Variants in TENM2 observed in about 807,000 individuals in gnomAD.
TENM2 encodes the protein teneurin transmembrane protein 2, also known as teneurin-2.
Under a neutral mutation model 245.2 loss-of-function variants are expected in TENM2, and 52 were observed. The observed-to-expected ratio is 0.21, with a 90% CI of 0.17 to 0.27. TENM2 has a LOEUF of 0.27. Among genes scored for constraint, TENM2 ranks in the 10% least tolerant of loss-of-function variants. TENM2 has a pLI of 1.00. For missense variants in TENM2, 3,046 were observed against 3,666.8 expected, an observed-to-expected ratio of 0.83 and a Z score of 4.37; for synonymous variants, 1,363 against 1,438.9, an observed-to-expected ratio of 0.95 and a Z score of 1.19.
chr5:167,081,446 T>A, the TENM2 span, among the ~76,000 whole-genome samples: 18 of 142,410 alleles, frequency 1.3e-4, no homozygotes, highest in Admixed American at 1.2e-3. Context: ...TTTCTAAGCC[T>A]TTTTTTTGCT....
chr5:167,970,949 A>G (rs1405040234), intron 4 of TENM2, among the ~76,000 whole-genome samples: 2 of 151,848 alleles, frequency 1.3e-5, no homozygotes, highest in Non-Finnish European at 2.9e-5. Flanking sequence ...GAAGGCGCAT[A>G]TTCAGTATAT....
chr5:167,598,543 G>C (rs1561587205), intron 2 of TENM2, among the ~76,000 whole-genome samples: 1 of 152,362 alleles, frequency 6.6e-6, no homozygotes, highest in East Asian at 1.9e-4. Context: ...GTCTAGAGAA[G>C]AAGGGTATTA....
At chr5:167,833,975 A>C (rs1159697862) in intron 2 of TENM2, among the ~76,000 whole-genome samples, 1 of 152,188 alleles carries the variant, frequency 6.6e-6, no homozygotes, top group East Asian at 1.9e-4. Context: ...ACACAAACTC[A>C]TTCATTCAAC....
intron 14 of TENM2, 88 bp from the exon 17 acceptor site, chr5:168,195,088 C>A: frequency 6.8e-7 from 1 of 1,464,724 alleles, no homozygotes; most frequent in Non-Finnish European, 9.3e-7. Context: ...CCTGAGGGAC[C>A]AGATGAGGAT....
chr5:167,903,426 C>G (rs1045632090), intron 3 of TENM2, among the ~76,000 whole-genome samples: 1 of 151,400 alleles, frequency 6.6e-6, no homozygotes, highest in Non-Finnish European at 1.5e-5. Context: ...ATGAAGCCGC[C>G]TACTCAGGTA....
At chr5:167,357,983 G>A (rs532149640) in intron 1 of TENM2, among the ~76,000 whole-genome samples, 4 of 152,226 alleles carry the variant, frequency 2.6e-5, no homozygotes, top group African/African-American at 7.2e-5. Flanking sequence ...CAGGTAAAGC[G>A]TTCACCTGTG....
intron 2 of TENM2, among the ~76,000 whole-genome samples, chr5:167,497,665 G>A (rs1192702088): frequency 2.6e-5 from 4 of 152,026 alleles, no homozygotes; most frequent in Admixed American, 6.6e-5. Context: ...TCCTCTACCT[G>A]TGGAGCTATA....
At chr5:167,599,872 C>G (rs910491872) in intron 2 of TENM2, among the ~76,000 whole-genome samples, 2 of 151,794 alleles carry the variant, frequency 1.3e-5, no homozygotes, top group Admixed American at 6.6e-5. Flanking sequence ...CATGGCTGGG[C>G]GCGGTGGCTC....
chr5:166,983,743 G>T, the TENM2 span, among the ~76,000 whole-genome samples: 1 of 152,044 alleles, frequency 6.6e-6, no homozygotes, highest in Non-Finnish European at 1.5e-5. Context: ...TGCATTGTTT[G>T]GGGGGAAAGA....
chr5:167,101,939 T>TATATA, the TENM2 span, among the ~76,000 whole-genome samples: 6 of 119,394 alleles, frequency 5.0e-5, no homozygotes, highest in East Asian at 2.4e-4. Flanking sequence ...TATATATATA[T>TATATA]TTTTTTTTTT....
intron 2 of TENM2, among the ~76,000 whole-genome samples, chr5:167,740,955 G>T (rs1244671170): frequency 1.3e-5 from 2 of 152,020 alleles, no homozygotes; most frequent in African/African-American, 2.4e-5. Flanking sequence ...GAGAACCTTG[G>T]CATGTCTTCT....
intron 4 of TENM2, among the ~76,000 whole-genome samples, chr5:167,974,020 G>GAA (rs1782026429): frequency 1.3e-5 from 1 of 76,088 alleles, no homozygotes; most frequent in South Asian, 7.5e-4. Flanking sequence ...AGGGAGGGAG[G>GAA]GAGGAAGGAA....
At chr5:167,651,472 T>G (rs1019711483) in intron 2 of TENM2, among the ~76,000 whole-genome samples, 2 of 151,978 alleles carry the variant, frequency 1.3e-5, no homozygotes, top group Non-Finnish European at 2.9e-5. Context: ...AATGAGGATG[T>G]TCTTTTGTCA....
chr5:168,224,130 T>A lies in TENM2; in HGVS notation c.5109-1958T>A, dbSNP rs74916063. 4.7e-3 allele frequency among the ~76,000 whole-genome samples: 713 copies of A among 152,310 alleles called. 21 individuals are homozygous for A. In the East Asian group the frequency reaches 0.08, roughly 17 times the overall value. On this transcript the variant is annotated intron_variant, in intron 23 of 28. Transcript: ENST00000518659. ...TGTTCTAATTTGTCACTATTGTAAA[T>A]AGCACCTTTGTCCCCCTGCCTGAGA...
intron 2 of TENM2, among the ~76,000 whole-genome samples, chr5:167,806,420 G>A (rs1390008027): frequency 6.6e-6 from 1 of 152,044 alleles, no homozygotes; most frequent in African/African-American, 2.4e-5. Flanking sequence ...TTTACTCTTG[G>A]AACAGCAGAG....
intron 12 of TENM2, among the ~76,000 whole-genome samples, chr5:168,155,078 A>G (rs1207843096): frequency 1.3e-5 from 2 of 152,208 alleles, no homozygotes; most frequent in African/African-American, 4.8e-5. Context: ...TCCAGAGACC[A>G]GAGACCAGGG....
intron 1 of TENM2, among the ~76,000 whole-genome samples, chr5:167,302,624 C>T (rs1755408547): frequency 1.3e-5 from 2 of 149,684 alleles, no homozygotes; most frequent in African/African-American, 2.5e-5. Context: ...GATCAGGGTG[C>T]AGAGATAAGG....
chr5:168,006,530 A>C (rs1212740765), intron 5 of TENM2, among the ~76,000 whole-genome samples: 1 of 152,220 alleles, frequency 6.6e-6, no homozygotes, highest in Admixed American at 6.5e-5. Context: ...TGTGATTTAA[A>C]ATATAATTCC....
chr5:167,381,826 T>C (rs150883573), intron 2 of TENM2, among the ~76,000 whole-genome samples: 2 of 152,306 alleles, frequency 1.3e-5, no homozygotes, highest in African/African-American at 4.8e-5. Flanking sequence ...GCTAGAATGT[T>C]ACTTCTTTTG....
Sources: allele counts gnomAD v4.1 joint callset (sites outside exome capture counted in the v4.1 genomes callset), GRCh38; gene constraint gnomAD v4.1.1; transcripts MANE v1.5; gene names NCBI Gene and HGNC (gene_info 2026-07-23, HGNC 2026-07-21).